Variants in FARS2 observed in about 807,000 individuals in gnomAD.
FARS2 encodes phenylalanyl-tRNA synthetase 2, mitochondrial, also known as phenylalanine--tRNA ligase, mitochondrial.
FARS2 carries 40 observed loss-of-function variants against 46.4 expected under a neutral mutation model. The ratio of observed to expected loss-of-function variants is 0.86; its 90% CI spans 0.67 to 1.12. The LOEUF (loss-of-function observed/expected upper bound fraction) is 1.12, where lower values mean the gene tolerates loss of function less well. FARS2 is among the 50% of genes most tolerant of loss of function. The pLI, the probability that FARS2 is intolerant of heterozygous loss-of-function variation, is 0.00. For synonymous variants in FARS2, 234 were observed against 214.9 expected (o/e 1.09, Z -0.78); for missense variants, 513 against 567.9 (o/e 0.90, Z 0.98).
chr6:5,697,857 T>G (rs1413062906), intron 6 of FARS2, among the ~76,000 whole-genome samples: 2 of 152,176 alleles, frequency 1.3e-5, no homozygotes, highest in Non-Finnish European at 2.9e-5. Flanking sequence ...AATATCAAGC[T>G]AAATCCTCAA....
At chr6:5,602,670 A>AAAAAAAAGG (rs1554114901) in intron 5 of FARS2, among the ~76,000 whole-genome samples, 1 of 137,686 alleles carries the variant, frequency 7.3e-6, no homozygotes, top group East Asian at 2.0e-4. Flanking sequence ...AAAAAAAAAA[A>AAAAAAAAGG]GGGAACCTCC....
chr6:5,560,193 T>A (rs1771907559), intron 5 of FARS2, among the ~76,000 whole-genome samples: 1 of 152,184 alleles, frequency 6.6e-6, no homozygotes, highest in Non-Finnish European at 1.5e-5. Flanking sequence ...TTACTTAAAG[T>A]GCTTCTTGTA....
Position 5,539,427 on chromosome 6 carries a change from T to C in FARS2, c.905-5753T>C, listed in dbSNP as rs192740554. 6.8e-4 allele frequency among the ~76,000 whole-genome samples: 101 copies of C among 148,162 alleles called. No homozygotes were observed. In the East Asian group the frequency reaches 0.014, roughly 21 times the overall value. On this transcript the variant is annotated intron_variant, in intron 4 of 6. Transcript: ENST00000274680. ...ATATATTTTTTTAGTAGAGACGGGG[T>C]TTCACCATGTTAGCCAGGATGGTTT...
At chr6:5,736,034 G>A (rs964221190) in intron 6 of FARS2, among the ~76,000 whole-genome samples, 2 of 152,222 alleles carry the variant, frequency 1.3e-5, no homozygotes, top group Non-Finnish European at 2.9e-5. Context: ...GATTCTGGCT[G>A]TCGATTTCTC....
At chr6:5,508,058 C>T (rs1475839288) in intron 4 of FARS2, among the ~76,000 whole-genome samples, 1 of 152,212 alleles carries the variant, frequency 6.6e-6, no homozygotes, top group Non-Finnish European at 1.5e-5. Flanking sequence ...TTCTATGTTT[C>T]ACAATAAGTT....
chr6:5,471,594 C>T lies in FARS2; in HGVS notation c.904+40422C>T, dbSNP rs1212013387. ...TTTTGTTAGATAGCTATTCTAGTGG[C>T]TCTTTGCTTTTAACCAACAAAGGCC... On this transcript the variant is annotated intron_variant, in intron 4 of 6. Coordinates refer to ENST00000274680, the MANE Select transcript of FARS2 (RefSeq NM_006567.5). This position sits in a 1 kb window ranked among gnomAD's most constrained non-coding sequence, Gnocchi z 4.1. Among the ~76,000 whole-genome samples, 1 of 152,206 alleles carries T rather than the reference C, an allele frequency of 6.6e-6. No homozygotes were observed. Among genetic ancestry groups the T allele is most frequent in the Non-Finnish European group, 1.5e-5 (1 of 68,036 alleles).
At position 5,284,092 on chromosome 6, in the gene FARS2, CATTAA is replaced by C. The variant is rs201632476; in HGVS notation, c.-22+22434_-22+22438del. 8.9e-4 allele frequency among the ~76,000 whole-genome samples: 135 copies of C among 152,334 alleles called. 4 individuals are homozygous for C. In the East Asian group the frequency reaches 0.025, roughly 28 times the overall value. On this transcript the variant is annotated intron_variant, in intron 1 of 6. Transcript: ENST00000274680. ...ACAATTTGATCTTTCCCAAACTGCA[CATTAA>C]AAATACTATCTAATTGTCATTTCAA...
chr6:5,649,265 G>A (rs765615115), intron 6 of FARS2, among the ~76,000 whole-genome samples: 15 of 152,110 alleles, frequency 9.9e-5, no homozygotes, highest in Admixed American at 2.6e-4. Context: ...ATTTCTTTGG[G>A]TGCTGTGTTT....
intron 4 of FARS2, among the ~76,000 whole-genome samples, chr6:5,509,013 G>A (rs1768271918): frequency 6.6e-6 from 1 of 152,172 alleles, no homozygotes; most frequent in South Asian, 2.1e-4. Context: ...GTCACTATTC[G>A]GCTCTGCCAT....
At chr6:5,619,622 A>C (rs975394096) in intron 6 of FARS2, among the ~76,000 whole-genome samples, 6 of 151,464 alleles carry the variant, frequency 4.0e-5, no homozygotes, top group African/African-American at 1.5e-4. Flanking sequence ...ATTTTTTATA[A>C]TTTGGCTTAA....
chr6:5,529,219 A>G (rs1182692757), intron 4 of FARS2, among the ~76,000 whole-genome samples: 1 of 152,218 alleles, frequency 6.6e-6, no homozygotes, highest in Non-Finnish European at 1.5e-5. Flanking sequence ...ACTCGTGATG[A>G]GCAAGTCAAT....
At chr6:5,344,137 A>G (rs948660349) in intron 1 of FARS2, among the ~76,000 whole-genome samples, 1 of 152,198 alleles carries the variant, frequency 6.6e-6, no homozygotes, top group Admixed American at 6.5e-5. Flanking sequence ...AGTGGCCTCC[A>G]GGTCCAGTTT....
intron 5 of FARS2, among the ~76,000 whole-genome samples, chr6:5,581,404 TAAAA>T (rs748516788): frequency 1.3e-5 from 2 of 152,246 alleles, no homozygotes; most frequent in East Asian, 3.9e-4. Flanking sequence ...TGCTTTTACA[TAAAA>T]AAACAAAGTC....
intron 4 of FARS2, among the ~76,000 whole-genome samples, chr6:5,465,516 A>G (rs1404657132): frequency 1.3e-5 from 2 of 152,156 alleles, no homozygotes; most frequent in Non-Finnish European, 2.9e-5. Context: ...GCTTCAGACT[A>G]TATCTCCAAT....
intron 6 of FARS2, among the ~76,000 whole-genome samples, chr6:5,755,216 A>C (rs1046571401): frequency 3.3e-5 from 5 of 151,998 alleles, no homozygotes; most frequent in Non-Finnish European, 4.4e-5. Flanking sequence ...TTTTTTTATT[A>C]TACTTTAAGT....
chr6:5,653,305 A>ATT (rs1777456633), intron 6 of FARS2, among the ~76,000 whole-genome samples: 1 of 152,222 alleles, frequency 6.6e-6, no homozygotes, highest in Non-Finnish European at 1.5e-5. Flanking sequence ...TTTTAACAAA[A>ATT]AAGTACACTG....
At chr6:5,275,768 T>C (rs1766289955) in intron 1 of FARS2, among the ~76,000 whole-genome samples, 1 of 152,220 alleles carries the variant, frequency 6.6e-6, no homozygotes, top group African/African-American at 2.4e-5. Flanking sequence ...TTTGCCTCAA[T>C]AGAAAATATA....
Position 5,288,418 on chromosome 6 carries a change from A to G in FARS2, c.-22+26758A>G, listed in dbSNP as rs192124660. Among the ~76,000 whole-genome samples, 158 of 152,308 alleles carry G rather than the reference A, an allele frequency of 1.0e-3. 1 individual carries two copies. The highest frequency in any genetic ancestry group is 2.5e-3 in the South Asian group (12 of 4,820). ...CTTTCCAAGAGGGAATCACTATCAG[A>G]ACACTTGGGATCATCACTTCTTTCT... On this transcript the variant is annotated intron_variant, in intron 1 of 6. Coordinates refer to ENST00000274680, the MANE Select transcript of FARS2 (RefSeq NM_006567.5).
intron 6 of FARS2, among the ~76,000 whole-genome samples, chr6:5,635,993 A>G (rs60674784): frequency 0.03 from 4,595 of 152,318 alleles, 210 homozygotes; most frequent in African/African-American, 0.1. Context: ...TCCAAAACAC[A>G]TAAGCTACTA....
Sources: gnomAD v4.1 joint callset for allele counts (sites outside exome capture counted in the v4.1 genomes callset) on GRCh38, gnomAD v4.1.1 for gene constraint, Gnocchi (gnomAD v3.1) non-coding constraint, MANE v1.5 for transcripts, NCBI Gene and HGNC (gene_info 2026-07-23, HGNC 2026-07-21) for gene names.